RYR2: variants seen among roughly 807,000 people sequenced by gnomAD.
RYR2 encodes ryanodine receptor 2.
Under a neutral mutation model 601.1 loss-of-function variants are expected in RYR2, and 227 were observed. The observed-to-expected ratio is 0.38, with a 90% CI of 0.34 to 0.42. RYR2 has a LOEUF of 0.42. RYR2 is among the 10% of genes least tolerant of loss of function. The pLI, the probability that RYR2 is intolerant of heterozygous loss-of-function variation, is 1.00. For synonymous variants in RYR2, 2,223 were observed against 2,175.1 expected, an observed-to-expected ratio of 1.02 and a Z score of -0.61; for missense variants, 4,646 against 6,156.5, an observed-to-expected ratio of 0.75 and a Z score of 8.21.
chr1:237,137,360 A>G (rs958978645), intron 1 of RYR2, among the ~76,000 whole-genome samples: 2 of 152,132 alleles, frequency 1.3e-5, no homozygotes, highest in Non-Finnish European at 2.9e-5. Flanking sequence ...ATAATTTATA[A>G]GAGAGCAAGC....
intron 98 of RYR2, 106 bp from the exon 99 acceptor site, chr1:237,806,031 C>T (rs1054154022): frequency 2.0e-5 from 19 of 940,074 alleles, no homozygotes; most frequent in Middle Eastern, 2.2e-4. Context: ...TGAGTGAGAA[C>T]ATGTAGAGTT....
At chr1:237,656,323 A>G (rs955121786) in intron 53 of RYR2, among the ~76,000 whole-genome samples, 3 of 152,090 alleles carry the variant, frequency 2.0e-5, no homozygotes, top group Non-Finnish European at 4.4e-5. Flanking sequence ...TCTATATAAC[A>G]TCTTTTACTT....
chr1:237,167,534 T>C (rs1676845564), intron 1 of RYR2, among the ~76,000 whole-genome samples: 1 of 152,126 alleles, frequency 6.6e-6, no homozygotes, highest in South Asian at 2.1e-4. Context: ...TTCTTGCCTA[T>C]AGAACAGAGA....
intron 79 of RYR2, among the ~76,000 whole-genome samples, chr1:237,740,012 T>C (rs1160233443): frequency 6.6e-6 from 1 of 152,214 alleles, no homozygotes; most frequent in Admixed American, 6.5e-5. Context: ...TTTAGCTTAT[T>C]CACCTTTTCC....
chr1:237,742,473 T>C, intron 80 of RYR2, 124 bp downstream of exon 80: 1 of 738,996 alleles, frequency 1.4e-6, no homozygotes, highest in Non-Finnish European at 2.3e-6. Context: ...AGGAACTGCA[T>C]GTCAGAGCTG....
At chr1:237,616,519 T>G (rs1046245753) in intron 37 of RYR2, among the ~76,000 whole-genome samples, 1 of 152,204 alleles carries the variant, frequency 6.6e-6, no homozygotes, top group Non-Finnish European at 1.5e-5. Context: ...GCCTGTGGTT[T>G]TCTTCCTAAA....
chr1:237,043,555 A>T (rs1660197980), intron 1 of RYR2, among the ~76,000 whole-genome samples: 1 of 152,058 alleles, frequency 6.6e-6, no homozygotes, highest in Non-Finnish European at 1.5e-5. Context: ...CCAAGCTGGG[A>T]CTGGAGAGCC....
intron 14 of RYR2, among the ~76,000 whole-genome samples, chr1:237,447,222 A>G (rs58629785): frequency 6.6e-6 from 1 of 152,288 alleles, no homozygotes; most frequent in East Asian, 1.9e-4. Context: ...TTTGAAAACT[A>G]TTTTGTGGGA....
At chr1:237,062,640 C>T (rs979780450) in intron 1 of RYR2, among the ~76,000 whole-genome samples, 1 of 152,010 alleles carries the variant, frequency 6.6e-6, no homozygotes, top group Admixed American at 6.6e-5. Context: ...TTTCTATATG[C>T]CCAGTCATGT....
At chr1:237,197,285 G>A (rs568881853) in intron 1 of RYR2, among the ~76,000 whole-genome samples, 1 of 152,196 alleles carries the variant, frequency 6.6e-6, no homozygotes, top group African/African-American at 2.4e-5. Flanking sequence ...GTAAAAAGCA[G>A]GCATTAACTA....
chr1:237,709,052 C>T lies in RYR2; in HGVS notation c.10096C>T (p.Leu3366Phe), dbSNP rs377712921. ...LDEFTTLARD[L>F]YAFYPLLIRF... ...TGAGTTCACCACACTGGCCAGAGAT[C>T]TCTATGCCTTCTACCCTCTCTTGAT... Residue 3366 changes from leucine (L) to phenylalanine (F), a missense_variant, in exon 69 of 105, where the codon CTC (leucine) becomes TTC (phenylalanine). By Grantham distance (22) the Leu-to-Phe change is conservative (BLOSUM62 0). Around this residue, in one of 17 missense-constraint regions of RYR2, gnomAD observed 1,497 missense variants for 1,842.6 expected, o/e 0.81. Transcript: ENST00000366574. 5.0e-6 allele frequency: 8 copies of T among 1,607,882 alleles called. No individual in the cohort carries two copies. Among genetic ancestry groups the T allele is most frequent in the Non-Finnish European group, 6.8e-6 (8 of 1,175,544 alleles).
chr1:237,766,047 A>G (rs966647498), intron 84 of RYR2, among the ~76,000 whole-genome samples: 1 of 152,204 alleles, frequency 6.6e-6, no homozygotes, highest in Non-Finnish European at 1.5e-5. Context: ...AGACATTCCA[A>G]TGCGAGGGAA....
chr1:237,602,115 A>G lies in RYR2; in HGVS notation c.4683+4A>G. ...GTTTGAGTTGGGAAGAATAAAGGTA[A>G]TAAAACTTATTCCTGGTATTGTATT... is the stretch of plus-strand genomic sequence containing the variant. On this transcript the variant is annotated splice_donor_region_variant and intron_variant, in intron 35 of 104. Transcript: ENST00000366574. The G allele has an allele frequency of 6.2e-7, 1 of 1,604,786 alleles. No homozygotes were observed. Among genetic ancestry groups the G allele is most frequent in the South Asian group, 1.1e-5 (1 of 89,884 alleles).
chr1:237,785,912 A>T (rs1206376629), intron 90 of RYR2, 57 bp from the exon 91 acceptor site: 54 of 1,227,016 alleles, frequency 4.4e-5, no homozygotes, highest in African/African-American at 1.5e-5. Context: ...GGCTCCCTCA[A>T]TTCATTCAAA....
intron 1 of RYR2, among the ~76,000 whole-genome samples, chr1:237,117,691 T>C (rs1376061976): frequency 1.2e-5 from 1 of 83,324 alleles, no homozygotes; most frequent in South Asian, 4.2e-4. Flanking sequence ...TCTTCTCTTC[T>C]CTTCTCTTCT....
At chr1:237,511,058 A>C (rs1247546166) in intron 23 of RYR2, among the ~76,000 whole-genome samples, 1 of 152,172 alleles carries the variant, frequency 6.6e-6, no homozygotes, top group African/African-American at 2.4e-5. Context: ...GTTTGGTTCT[A>C]TACAGGAAAA....
intron 6 of RYR2, among the ~76,000 whole-genome samples, chr1:237,370,911 C>T (rs1295970271): frequency 6.6e-6 from 1 of 152,158 alleles, no homozygotes; most frequent in African/African-American, 2.4e-5. Flanking sequence ...CCGCCTGCCT[C>T]GGCCTTCCGG....
rs968897866 is a variant in RYR2 at position 237,583,243 on chromosome 1, A to C, written c.3599-6550A>C. On this transcript the variant is annotated intron_variant, in intron 29 of 104. Transcript: ENST00000366574. ...GTCTTCTTTTGAAAAGTATCTGTTC[A>C]TGTTTTTTTGCCCATTTTTTAAATG... Among the ~76,000 whole-genome samples, 69 of 151,658 alleles carry C rather than the reference A, an allele frequency of 4.5e-4. 1 individual carries two copies. Among genetic ancestry groups the C allele is most frequent in the Admixed American group, 2.8e-3 (43 of 15,222 alleles).
rs1464663952 is a variant in RYR2 at position 237,550,022 on chromosome 1, A to AC, written c.3067-522_3067-521insC. ...TCATAGTCATTTTAGTGCCCCTGGC[A>AC]TTGCCGGGTTTCACTGGTTGGTGGA... is the stretch of plus-strand genomic sequence containing the variant. On this transcript the variant is annotated intron_variant, in intron 26 of 104. Transcript: ENST00000366574. 3.2e-3 allele frequency among the ~76,000 whole-genome samples: 489 copies of AC among 152,310 alleles called. 1 individual carries two copies. Among genetic ancestry groups the AC allele is most frequent in the African/African-American group, 0.011 (460 of 41,576 alleles).
Sources: gnomAD v4.1 joint callset for allele counts (sites outside exome capture counted in the v4.1 genomes callset) on GRCh38, gnomAD v4.1.1 for gene constraint, gnomAD v4.1.1 regional missense constraint, MANE v1.5 for transcripts, NCBI Gene and HGNC (gene_info 2026-07-23, HGNC 2026-07-21) for gene names.